The following THUMPD3 variants were observed in gnomAD, a reference collection of about 807,000 sequenced individuals.
THUMPD3 encodes the protein THUMP domain 3 tRNA guanosine methyltransferase, also known as tRNA (guanine(6)-N(2))-methyltransferase THUMP3.
A neutral mutation model predicts 54.5 loss-of-function variants in THUMPD3; 44 were observed. The observed-to-expected ratio is 0.81, with a 90% CI of 0.63 to 1.04. The LOEUF is 1.04. Among genes scored for constraint, THUMPD3 ranks in the 50% least tolerant of loss-of-function variants. THUMPD3 has a pLI of 0.00. For missense variants in THUMPD3, 604 were observed against 601.3 expected (o/e 1.00, Z -0.05); for synonymous variants, 196 against 201.4 (o/e 0.97, Z 0.23).
rs567794190 is a variant in THUMPD3 at position 9,384,398 on chromosome 3, G to A, written c.1359+63G>A. 71 of 1,597,612 alleles carry A rather than the reference G, an allele frequency of 4.4e-5. No homozygotes were observed. The African/African-American group carries it at 8.5e-4, about 19-fold the overall frequency. ...AACTTTGGGATCTTTTTGAGATTTG[G>A]GGATGTTTGTTTGGATAAGATTTGT... On this transcript the variant is annotated intron_variant, in intron 9 of 9. Coordinates refer to ENST00000452837, the MANE Select transcript of THUMPD3 (RefSeq NM_001114092.2).
chr3:9,374,550 T>C lies in THUMPD3; in HGVS notation c.842T>C (p.Val281Ala), dbSNP rs751237494. 1 of 1,614,092 alleles carries C rather than the reference T, an allele frequency of 6.2e-7. No individual in the cohort carries two copies. Among genetic ancestry groups the C allele is most frequent in the Non-Finnish European group, 8.5e-7 (1 of 1,179,942 alleles). Residue 281 changes from valine (V) to alanine (A), a missense_variant, in exon 5 of 10, where the codon GTG becomes GCG. By Grantham distance (64) the Val-to-Ala change is moderately conservative. Transcript: ENST00000452837. The stretch of plus-strand genomic sequence containing the variant: ...AACATCCATGATAATGAAGTCATTG[T>C]GGGCATTGCATTGACTGAAGAGAGT... Reference protein sequence around the residue: ...LLNIHDNEVIVGIALTEESLH... With the variant: ...LLNIHDNEVIAGIALTEESLH...
chr3:9,368,020 ACAC>A (rs1394265584), intron 3 of THUMPD3, among the ~76,000 whole-genome samples: 8 of 152,242 alleles, frequency 5.3e-5, no homozygotes, highest in Admixed American at 2.6e-4. Flanking sequence ...AGCAGAGATC[ACAC>A]CACTGCACTC....
intron 5 of THUMPD3, among the ~76,000 whole-genome samples, chr3:9,377,370 T>TTTTATTTA (rs759239291): frequency 6.6e-6 from 1 of 152,100 alleles, no homozygotes; most frequent in Admixed American, 6.5e-5. Flanking sequence ...TATAAATTGA[T>TTTTATTTA]TTTATTTATT....
intron 7 of THUMPD3, 109 bp from the exon 8 acceptor site, chr3:9,383,090 T>A (rs1005003181): frequency 1.5e-6 from 1 of 663,862 alleles, no homozygotes; most frequent in Non-Finnish European, 2.7e-6. Flanking sequence ...ATCACTGATA[T>A]CCTTAGCAGT....
intron 8 of THUMPD3, among the ~76,000 whole-genome samples, chr3:9,383,882 A>G (rs972761071): frequency 6.6e-6 from 1 of 152,172 alleles, no homozygotes; most frequent in Non-Finnish European, 1.5e-5. Context: ...TCAGCCTCCC[A>G]AACTGCTGGG....
At chr3:9,380,736 CTAT>C (rs1416270787) in intron 7 of THUMPD3, 118 bp downstream of exon 7, 8 of 530,124 alleles carry the variant, frequency 1.5e-5, no homozygotes, top group African/African-American at 9.7e-5. Flanking sequence ...AATGAATATA[CTAT>C]GAGACTCCAT....
rs1559315808 is a variant in THUMPD3 at position 9,384,984 on chromosome 3, A to G, written c.*296A>G. On this transcript the variant is annotated 3_prime_UTR_variant, in exon 10 of 10. Coordinates refer to ENST00000452837, the MANE Select transcript of THUMPD3 (RefSeq NM_001114092.2). ...GTGAAACCCTGTCTCTACTAGAAATACAAAAATTAGCCAGGTGTGGTGGCG... is the reference window on the plus strand; with the variant it reads ...GTGAAACCCTGTCTCTACTAGAAATGCAAAAATTAGCCAGGTGTGGTGGCG... The G allele has an allele frequency of 1.1e-5, 3 of 273,004 alleles. No individual in the cohort carries two copies. Among genetic ancestry groups the G allele is most frequent in the South Asian group, 9.1e-5 (2 of 22,076 alleles). 16.9% of individuals were successfully genotyped at this position (273,004 alleles called of 1,614,324 possible). A position where few individuals can be genotyped will look rare whatever the true frequency, so the allele number is the denominator to read the frequency against.
chr3:9,367,996 C>T (rs1035927989), intron 3 of THUMPD3, among the ~76,000 whole-genome samples: 2 of 151,770 alleles, frequency 1.3e-5, no homozygotes, highest in African/African-American at 2.4e-5. Context: ...ACCCGGGAGG[C>T]GGAGCTGGCA....
At chr3:9,374,819 C>T (rs1037471679) in intron 5 of THUMPD3, among the ~76,000 whole-genome samples, 173 bp downstream of exon 5, 1 of 152,108 alleles carries the variant, frequency 6.6e-6, no homozygotes, top group African/African-American at 2.4e-5. Flanking sequence ...AATATTGACT[C>T]CTTGTGATCT....
At position 9,384,562 on chromosome 3, in the gene THUMPD3, T is replaced by C. The variant is rs182684097; in HGVS notation, c.1398T>C (p.Asp466=). ...TGCGACACGTATGGCGAAAGGTGGA[T>C]ACAGTCTGGGTGAACGTTGGTGGTC... is the stretch of plus-strand genomic sequence containing the variant. The part of the protein sequence containing the change: ...SGMRHVWRKV[D]TVWVNVGGLR... The change falls in exon 10 of 10, where the codon GAT becomes GAC. Residue 466 remains aspartate (D), a synonymous_variant. Coordinates refer to ENST00000452837, the MANE Select transcript of THUMPD3 (RefSeq NM_001114092.2). 3.7e-6 allele frequency: 6 copies of C among 1,614,252 alleles called. No homozygotes were observed. Among genetic ancestry groups the C allele is most frequent in the African/African-American group, 1.3e-5 (1 of 75,064 alleles).
chr3:9,377,998 AGAGT>A, intron 6 of THUMPD3, 110 bp downstream of exon 6: 1 of 862,436 alleles, frequency 1.2e-6, no homozygotes. Flanking sequence ...AGTGGACCCA[AGAGT>A]TTTAAAACAA....
chr3:9,377,697 T>G, intron 5 of THUMPD3, 122 bp from the exon 6 acceptor site: 1 of 694,430 alleles, frequency 1.4e-6, no homozygotes, highest in African/African-American at 1.8e-5. Flanking sequence ...CTAAAATATG[T>G]GTAGATTGGT....
Position 9,386,527 on chromosome 3 carries a change from C to T in THUMPD3, c.*1839C>T, listed in dbSNP as rs145647826. The T allele has an allele frequency of 6.6e-5, 10 of 152,110 alleles. No homozygotes were observed. The highest frequency in any genetic ancestry group is 1.5e-4 in the Non-Finnish European group (10 of 68,030). The allele number at this position is 152,110 out of a possible 1,614,324, so 9.4% of individuals were successfully genotyped here. A position where few individuals can be genotyped will look rare whatever the true frequency, so the allele number is the denominator to read the frequency against. ...ATTCATCATAGCTTTAATTCTATTA[C>T]ATACTACAATAAAAATTTGACAAGA... On this transcript the variant is annotated 3_prime_UTR_variant, in exon 10 of 10. Transcript: ENST00000452837.
chr3:9,370,422 G>A (rs2031934898), intron 3 of THUMPD3, among the ~76,000 whole-genome samples: 1 of 152,146 alleles, frequency 6.6e-6, no homozygotes, highest in East Asian at 1.9e-4. Context: ...TAAGAATATT[G>A]TAGTCAGTGT....
intron 7 of THUMPD3, among the ~76,000 whole-genome samples, chr3:9,382,508 ACTAT>A: frequency 6.6e-6 from 1 of 152,110 alleles, no homozygotes; most frequent in South Asian, 2.1e-4. Flanking sequence ...TGCCAATTTT[ACTAT>A]CTGTTTTTCT....
rs1413296186 is a variant in THUMPD3, at chr3:9,386,310, T to A, written c.*1622T>A. 2 of 152,116 alleles carry A rather than the reference T, an allele frequency of 1.3e-5. No individual in the cohort carries two copies. The highest frequency in any genetic ancestry group is 4.8e-5 in the African/African-American group (2 of 41,398). The allele number at this position is 152,116 out of a possible 1,614,324, so 9.4% of individuals were successfully genotyped here. On this transcript the variant is annotated 3_prime_UTR_variant, in exon 10 of 10. Coordinates refer to ENST00000452837, the MANE Select transcript of THUMPD3 (RefSeq NM_001114092.2). ...TGGGAGAAACCATTTAAACCTCAAA[T>A]TAAGCAACCCACAGAACCAGGAAGT...
chr3:9,378,148 C>T (rs1181319787), intron 6 of THUMPD3, among the ~76,000 whole-genome samples: 2 of 152,184 alleles, frequency 1.3e-5, no homozygotes, highest in East Asian at 1.9e-4. Flanking sequence ...TACAAACTGC[C>T]GATGAGTCCT....
intron 1 of THUMPD3, among the ~76,000 whole-genome samples, chr3:9,364,317 T>TATC (rs2125304048): frequency 1.3e-5 from 2 of 150,448 alleles, no homozygotes; most frequent in South Asian, 4.2e-4. Context: ...AAAAGCCCCA[T>TATC]ATTATTATTA....
Position 9,385,415 on chromosome 3 carries a change from A to G in THUMPD3, c.*727A>G, listed in dbSNP as rs1014461733. 4 of 152,242 alleles carry G rather than the reference A, an allele frequency of 2.6e-5. No homozygotes were observed. Among genetic ancestry groups the G allele is most frequent in the Admixed American group, 6.5e-5 (1 of 15,284 alleles). The allele number at this position is 152,242 out of a possible 1,614,324, so 9.4% of individuals were successfully genotyped here. On this transcript the variant is annotated 3_prime_UTR_variant, in exon 10 of 10. Transcript: ENST00000452837. ...GCAGCTTTGCTAATCCAGTTGCTCA[A>G]GTTCTTTACCTCAACCTGAAGGAAT...
Sources: gnomAD v4.1 joint callset for allele counts (sites outside exome capture counted in the v4.1 genomes callset) on GRCh38, gnomAD v4.1.1 for gene constraint, MANE v1.5 for transcripts, NCBI Gene and HGNC (gene_info 2026-07-23, HGNC 2026-07-21) for gene names.